The following CCSER2 variants were observed in gnomAD, a reference collection of about 807,000 sequenced individuals.
CCSER2 encodes serine-rich coiled-coil domain-containing protein 2.
Under a neutral mutation model 92.3 loss-of-function variants are expected in CCSER2, and 46 were observed. That is an observed-to-expected ratio of 0.50 (90% CI 0.39 to 0.64). The LOEUF (loss-of-function observed/expected upper bound fraction) is 0.64. Among genes scored for constraint, CCSER2 ranks in the 30% least tolerant of loss-of-function variants. CCSER2 has a pLI of 0.00. For synonymous variants in CCSER2, 433 were observed against 431.4 expected, an observed-to-expected ratio of 1.00 and a Z score of -0.04; for missense variants, 1,244 against 1,238.9, an observed-to-expected ratio of 1.00 and a Z score of -0.06.
At chr10:84,340,146 A>G (rs1348104072) in intron 1 of CCSER2, among the ~76,000 whole-genome samples, 1 of 152,144 alleles carries the variant, frequency 6.6e-6, no homozygotes, top group African/African-American at 2.4e-5. Context: ...CCTGGCCATC[A>G]CTTTATCTTT....
intron 5 of CCSER2, among the ~76,000 whole-genome samples, chr10:84,436,964 G>A (rs1209907732): frequency 2.0e-5 from 3 of 152,042 alleles, no homozygotes; most frequent in Admixed American, 6.6e-5. Context: ...TAATGCGTTG[G>A]AATTTTTGCA....
At chr10:84,492,609 G>A (rs758137502) in intron 9 of CCSER2, among the ~76,000 whole-genome samples, 12 of 152,140 alleles carry the variant, frequency 7.9e-5, no homozygotes, top group African/African-American at 2.4e-4. Context: ...TCGATATTTG[G>A]GAGATGGTTT....
Position 84,513,942 on chromosome 10 carries a change from C to T in CCSER2, c.2819C>T (p.Ser940Phe). The T allele has an allele frequency of 1.3e-6, 2 of 1,536,650 alleles. No individual in the cohort carries two copies. Among genetic ancestry groups the T allele is most frequent in the Non-Finnish European group, 1.7e-6 (2 of 1,146,984 alleles). Residue 940 changes from serine to phenylalanine, a missense_variant, in exon 10 of 10, where the codon TCT becomes TTT. Physicochemically the swap from Ser to Phe is radical, Grantham distance 155 (BLOSUM62 -2). Transcript: ENST00000372088. The stretch of plus-strand genomic sequence containing the variant: ...GTACCGCCTCCAGTTTCTGAATCAT[C>T]TCCAAGTAGGACTCCCACTTGTAAA... Reference protein sequence around the residue: ...SLVPPPVSESSPSRTPTCKKS... With the variant: ...SLVPPPVSESFPSRTPTCKKS...
intron 9 of CCSER2, among the ~76,000 whole-genome samples, chr10:84,482,307 AAAG>A (rs1188671938): frequency 5.3e-5 from 8 of 152,320 alleles, no homozygotes; most frequent in East Asian, 3.9e-4. Context: ...AGTAACGCGA[AAAG>A]AAGAATAACA....
intron 6 of CCSER2, among the ~76,000 whole-genome samples, chr10:84,461,880 G>A (rs1421999285): frequency 1.3e-5 from 2 of 152,020 alleles, no homozygotes; most frequent in South Asian, 2.1e-4. Flanking sequence ...ATATTTGAAC[G>A]TTGTATAATG....
intron 5 of CCSER2, among the ~76,000 whole-genome samples, chr10:84,428,716 A>G (rs181861946): frequency 6.6e-6 from 1 of 152,214 alleles, no homozygotes. Flanking sequence ...TAAATATTTT[A>G]TTGTTAATGT....
intron 1 of CCSER2, among the ~76,000 whole-genome samples, chr10:84,352,302 C>T (rs937686030): frequency 3.8e-5 from 5 of 130,318 alleles, no homozygotes; most frequent in African/African-American, 1.3e-4. Flanking sequence ...GACTCTGTCT[C>T]AAAAAAAACA....
At chr10:84,448,234 A>C (rs1406647014) in intron 6 of CCSER2, among the ~76,000 whole-genome samples, 1 of 152,160 alleles carries the variant, frequency 6.6e-6, no homozygotes, top group African/African-American at 2.4e-5. Flanking sequence ...GAGCTCTGGC[A>C]GTCTTTGCCA....
At chr10:84,448,015 C>CG (rs1845035473) in intron 6 of CCSER2, among the ~76,000 whole-genome samples, 1 of 152,178 alleles carries the variant, frequency 6.6e-6, no homozygotes, top group Admixed American at 6.5e-5. Context: ...CCCACTCTTC[C>CG]GTGTACCCTT....
chr10:84,347,814 G>A (rs1363988769), intron 1 of CCSER2, among the ~76,000 whole-genome samples: 3 of 151,908 alleles, frequency 2.0e-5, no homozygotes, highest in Non-Finnish European at 2.9e-5. Context: ...CCTCCCAGAC[G>A]GGGTCGTGGC....
intron 9 of CCSER2, among the ~76,000 whole-genome samples, chr10:84,481,434 A>G (rs1434272711): frequency 6.6e-6 from 1 of 151,714 alleles, no homozygotes; most frequent in African/African-American, 2.4e-5. Context: ...GAATTTTAGG[A>G]GTTTTTTTCT....
rs911848260 is a variant in CCSER2 at position 84,514,557 on chromosome 10, T to A, written c.*290T>A. On this transcript the variant is annotated 3_prime_UTR_variant, in exon 10 of 10. Transcript: ENST00000372088. ...TCCATCCCTCTCCACGTCAGAAAAT[T>A]CATAATATTTTACTGAGCAGGCAAG... The A allele has an allele frequency of 7.9e-6, 3 of 378,968 alleles. No individual in the cohort carries two copies. Among genetic ancestry groups the A allele is most frequent in the Non-Finnish European group, 1.4e-5 (3 of 211,808 alleles). The allele number at this position is 378,968 out of a possible 1,614,324, so 23.5% of individuals were successfully genotyped here.
intron 5 of CCSER2, among the ~76,000 whole-genome samples, chr10:84,431,787 GTTTA>G (rs1347725242): frequency 3.3e-5 from 5 of 152,122 alleles, no homozygotes; most frequent in Admixed American, 6.5e-5. Flanking sequence ...ACTACAGTTT[GTTTA>G]TTCATTTACT....
intron 9 of CCSER2, among the ~76,000 whole-genome samples, chr10:84,496,269 A>G (rs1848443687): frequency 6.6e-6 from 1 of 152,148 alleles, no homozygotes; most frequent in Non-Finnish European, 1.5e-5. Context: ...GTGGAGGCCT[A>G]CACTCCCCAG....
At position 84,516,978 on chromosome 10, in the gene CCSER2, A is replaced by C. The variant is rs1849618675; in HGVS notation, c.*2711A>C. 1 of 152,208 alleles carries C rather than the reference A, an allele frequency of 6.6e-6. No individual in the cohort carries two copies. Among genetic ancestry groups the C allele is most frequent in the African/African-American group, 2.4e-5 (1 of 41,456 alleles). The allele number at this position is 152,208 out of a possible 1,614,324, so 9.4% of individuals were successfully genotyped here. ...TGCTTCTTAGTAAATGTTAAGTCTG[A>C]AATGGAAGTGAGGATGTAACTCTAC... On this transcript the variant is annotated 3_prime_UTR_variant, in exon 10 of 10. Transcript: ENST00000372088.
chr10:84,387,307 T>C (rs1841269030), intron 3 of CCSER2, among the ~76,000 whole-genome samples: 1 of 152,192 alleles, frequency 6.6e-6, no homozygotes. Flanking sequence ...GTTTTCTGCC[T>C]TTCTCCTTCC....
chr10:84,430,720 A>G (rs2133459816), intron 5 of CCSER2, among the ~76,000 whole-genome samples: 1 of 152,198 alleles, frequency 6.6e-6, no homozygotes, highest in East Asian at 1.9e-4. Context: ...TGGCTATTGG[A>G]TAAATTAAAA....
intron 3 of CCSER2, chr10:84,389,445 C>T (rs1389596693): frequency 1.2e-5 from 5 of 433,244 alleles, no homozygotes; most frequent in Admixed American, 2.5e-5. Context: ...GAAGGTACCA[C>T]GTCAATCTGG....
chr10:84,397,709 AC>A (rs1365059426), intron 3 of CCSER2, among the ~76,000 whole-genome samples: 2 of 152,188 alleles, frequency 1.3e-5, no homozygotes, highest in Non-Finnish European at 2.9e-5. Context: ...GTCAAGCAAA[AC>A]TTGATTTGAG....
Sources: allele counts gnomAD v4.1 joint callset (sites outside exome capture counted in the v4.1 genomes callset), GRCh38; gene constraint gnomAD v4.1.1; transcripts MANE v1.5; gene names NCBI Gene and HGNC (gene_info 2026-07-23, HGNC 2026-07-21).